The following AAK1 variants were observed in gnomAD, a reference collection of about 807,000 sequenced individuals.
AAK1 encodes AP2-associated protein kinase 1.
AAK1 carries 37 observed loss-of-function variants against 116.0 expected under a neutral mutation model. The observed-to-expected ratio is 0.32, with a 90% CI of 0.25 to 0.42. The LOEUF (loss-of-function observed/expected upper bound fraction) is 0.42, where lower values mean the gene tolerates loss of function less well. Ranked by LOEUF, AAK1 falls within the 10% of genes least tolerant of loss-of-function variation. The pLI is 1.00. For missense variants in AAK1, 919 were observed against 1,170.6 expected (o/e 0.79, Z 3.14); for synonymous variants, 458 against 439.9 (o/e 1.04, Z -0.51).
chr2:69,550,962 A>G (rs1380374214), intron 3 of AAK1, among the ~76,000 whole-genome samples: 3 of 152,128 alleles, frequency 2.0e-5, no homozygotes, highest in Admixed American at 6.6e-5. Context: ...CAAATAGTTC[A>G]TAATACTAGA....
Position 69,469,088 on chromosome 2 carries a change from G to A in AAK1, c.*6781C>T. The A allele has an allele frequency of 2.0e-6, 2 of 985,476 alleles. No individual in the cohort carries two copies. Among genetic ancestry groups the A allele is most frequent in the Non-Finnish European group, 2.4e-6 (2 of 829,944 alleles). 61.0% of individuals were successfully genotyped at this position (985,476 alleles called of 1,614,324 possible). ...CTTTCTTTCAGCATCAACAGGCTTT[G>A]TAGGAATGGAAAAGTACATTTAAAG... On this transcript the variant is annotated 3_prime_UTR_variant, in exon 22 of 22. Transcript: ENST00000409085.
chr2:69,508,046 G>T (rs1195885795), intron 14 of AAK1, among the ~76,000 whole-genome samples: 1 of 152,182 alleles, frequency 6.6e-6, no homozygotes, highest in Non-Finnish European at 1.5e-5. Context: ...AGCACCTGAA[G>T]AATTTCCGCA....
chr2:69,529,046 A>G (rs1279769320), intron 8 of AAK1, among the ~76,000 whole-genome samples: 1 of 152,208 alleles, frequency 6.6e-6, no homozygotes, highest in African/African-American at 2.4e-5. Flanking sequence ...GCACAATGGA[A>G]TGGGCAGCAC....
At chr2:69,594,958 G>T in intron 2 of AAK1, 1 of 877,764 alleles carries the variant, frequency 1.1e-6, no homozygotes, top group Non-Finnish European at 1.9e-6. Context: ...CTTTCCCTGG[G>T]CATACAGAGA....
chr2:69,515,761 G>A (rs1157554429), intron 12 of AAK1, among the ~76,000 whole-genome samples: 5 of 151,956 alleles, frequency 3.3e-5, no homozygotes, highest in African/African-American at 2.4e-5. Flanking sequence ...TATACTTTAC[G>A]TAGTTATTAG....
At chr2:69,544,400 G>C (rs1178408041) in intron 4 of AAK1, 36 bp downstream of exon 4, 1 of 1,506,956 alleles carries the variant, frequency 6.6e-7, no homozygotes. Context: ...AAATGCTAGA[G>C]AAATGACAGC....
chr2:69,492,080 T>C (rs1022549933), intron 17 of AAK1, among the ~76,000 whole-genome samples: 2 of 152,128 alleles, frequency 1.3e-5, no homozygotes, highest in Non-Finnish European at 2.9e-5. Context: ...GGGCGTTACT[T>C]GACATTATCT....
chr2:69,492,236 C>T (rs1376944869), intron 17 of AAK1, among the ~76,000 whole-genome samples: 2 of 151,056 alleles, frequency 1.3e-5, no homozygotes, highest in South Asian at 2.1e-4. Flanking sequence ...TTTTTTGAGA[C>T]GGAGTCTTGC....
intron 17 of AAK1, among the ~76,000 whole-genome samples, chr2:69,487,829 G>A (rs1675360379): frequency 8.5e-6 from 1 of 117,872 alleles, no homozygotes; most frequent in Admixed American, 1.1e-4. Flanking sequence ...CACTCTTGTT[G>A]CCCAGGCTGG....
At chr2:69,640,053 A>ACACTCTCTCTCTCT (rs1343518565) in intron 2 of AAK1, among the ~76,000 whole-genome samples, 10 of 92,788 alleles carry the variant, frequency 1.1e-4, no homozygotes, top group African/African-American at 4.9e-4. Context: ...ACACACACAC[A>ACACTCTCTCTCTCT]CTCTCTCTCT....
At chr2:69,615,251 A>G (rs1338708732) in intron 2 of AAK1, among the ~76,000 whole-genome samples, 1 of 152,198 alleles carries the variant, frequency 6.6e-6, no homozygotes, top group Non-Finnish European at 1.5e-5. Context: ...GACTTCGCAG[A>G]GAAGCCCCGC....
chr2:69,532,776 G>A (rs1670309659), intron 5 of AAK1, among the ~76,000 whole-genome samples: 1 of 152,150 alleles, frequency 6.6e-6, no homozygotes, highest in Non-Finnish European at 1.5e-5. Context: ...ACTTCTCAAT[G>A]TGATAAAATG....
chr2:69,592,000 T>A (rs1487325574), intron 2 of AAK1, among the ~76,000 whole-genome samples: 1 of 152,124 alleles, frequency 6.6e-6, no homozygotes, highest in Admixed American at 6.5e-5. Context: ...CCAGTTACCC[T>A]CTCCTGGTTC....
rs1458914542 is a variant in AAK1 at position 69,467,599 on chromosome 2, G to A, written c.*8270C>T. ...GGAGTTTCCCAACCCACCAGGATAA[G>A]AATATTAGATACAATGATTTGGAGC... On this transcript the variant is annotated 3_prime_UTR_variant, in exon 22 of 22. Coordinates refer to ENST00000409085, the MANE Select transcript of AAK1 (RefSeq NM_014911.5). 3 of 985,268 alleles carry A rather than the reference G, an allele frequency of 3.0e-6. No individual in the cohort carries two copies. The East Asian group carries it at 3.4e-4, about 112-fold the overall frequency. The allele number at this position is 985,268 out of a possible 1,614,324, so 61.0% of individuals were successfully genotyped here.
chr2:69,569,226 T>C (rs143123243), intron 2 of AAK1, among the ~76,000 whole-genome samples: 206 of 152,314 alleles, frequency 1.4e-3, no homozygotes, highest in African/African-American at 5.0e-3. Context: ...TTCCCCATTT[T>C]ATTATGAAAA....
At chr2:69,492,545 T>TA (rs1363834315) in intron 17 of AAK1, among the ~76,000 whole-genome samples, 2 of 105,774 alleles carry the variant, frequency 1.9e-5, no homozygotes, top group Non-Finnish European at 3.9e-5. Context: ...TTTTTTGAGA[T>TA]AGAGTCTTGC....
chr2:69,630,305 T>C (rs1410125793), intron 2 of AAK1, among the ~76,000 whole-genome samples: 2 of 108,910 alleles, frequency 1.8e-5, no homozygotes, highest in African/African-American at 3.5e-5. Flanking sequence ...ATTCCTCATC[T>C]GGGGGTTTGT....
intron 12 of AAK1, among the ~76,000 whole-genome samples, chr2:69,515,141 A>C (rs1328818332): frequency 6.6e-6 from 1 of 152,238 alleles, no homozygotes; most frequent in Non-Finnish European, 1.5e-5. Flanking sequence ...GAAGTAGCCA[A>C]GATTAAAATG....
intron 2 of AAK1, among the ~76,000 whole-genome samples, chr2:69,637,096 A>C (rs1330676805): frequency 6.6e-6 from 1 of 152,212 alleles, no homozygotes. Flanking sequence ...ATCTCAAAAC[A>C]TACAGCTCCC....
Sources: allele counts gnomAD v4.1 joint callset (sites outside exome capture counted in the v4.1 genomes callset), GRCh38; gene constraint gnomAD v4.1.1; transcripts MANE v1.5; gene names NCBI Gene and HGNC (gene_info 2026-07-23, HGNC 2026-07-21).